CTBP1: variants seen among roughly 807,000 people sequenced by gnomAD.
CTBP1 encodes the protein C-terminal binding protein 1.
A neutral mutation model predicts 42.1 loss-of-function variants in CTBP1; 11 were observed. That is an observed-to-expected ratio of 0.26 (90% CI 0.16 to 0.43). The LOEUF is 0.43. Ranked by LOEUF, CTBP1 falls within the 20% of genes least tolerant of loss-of-function variation. The pLI is 1.00. For missense variants in CTBP1, 399 were observed against 624.3 expected (o/e 0.64, Z 3.85); for synonymous variants, 324 against 277.1 (o/e 1.17, Z -1.68).
At chr4:1,227,179 TGCAGAC>T (rs1730443300) in intron 4 of CTBP1, among the ~76,000 whole-genome samples, 1 of 152,042 alleles carries the variant, frequency 6.6e-6, no homozygotes, top group African/African-American at 2.4e-5. Context: ...GGTGCACGGG[TGCAGAC>T]GTGCGTGTTC....
chr4:1,229,259 G>T (rs1455000003), intron 3 of CTBP1, among the ~76,000 whole-genome samples: 1 of 152,312 alleles, frequency 6.6e-6, no homozygotes, highest in East Asian at 1.9e-4. Context: ...ACAGGGTGGG[G>T]ATGTGTGTGC....
intron 9 of CTBP1, 188 bp downstream of exon 9, chr4:1,212,725 A>G: frequency 1.6e-6 from 1 of 633,746 alleles, no homozygotes. Context: ...AGGCCACCCC[A>G]GCCCAGGCTC....
rs1175676030 is a variant in CTBP1, at chr4:1,245,464, A to G, written c.-189+3452T>C. 3 of 985,252 alleles carry G rather than the reference A, an allele frequency of 3.0e-6. No homozygotes were observed. The African/African-American group carries it at 5.2e-5, about 17-fold the overall frequency. 61.0% of individuals were successfully genotyped at this position (985,252 alleles called of 1,614,324 possible). On this transcript the variant is annotated intron_variant, in intron 1 of 9. Coordinates refer to ENST00000382952, the MANE Select transcript of CTBP1 (RefSeq NM_001012614.2). ...CAGTCTACACACGACACCACTGGAG[A>G]GACAGCCTCGGATGCCTCTGAGGCT...
intron 3 of CTBP1, among the ~76,000 whole-genome samples, chr4:1,232,334 C>G (rs1731046109): frequency 6.6e-6 from 1 of 152,160 alleles, no homozygotes; most frequent in South Asian, 2.1e-4. Flanking sequence ...CTTTTTGAGA[C>G]AGAGTCTTGC....
rs1384376049 is a variant in CTBP1 at position 1,225,492 on chromosome 4, G to A, written c.382C>T (p.Leu128=). 4 of 1,546,228 alleles carry A rather than the reference G, an allele frequency of 2.6e-6. No homozygotes were observed. Among genetic ancestry groups the A allele is most frequent in the Non-Finnish European group, 3.5e-6 (4 of 1,146,970 alleles). Residue 128 remains leucine (L), a synonymous_variant, in exon 5 of 10, where the codon CTG becomes TTG. Transcript: ENST00000382952. ...ADSTLCHILN[L]YRRATWLHQA... ...TGCAGCCAGGTGGCCCGCCGGTACA[G>A]GTTCAGGATGTGGCACAGCGTCGAG... is the stretch of plus-strand genomic sequence containing the variant.
intron 1 of CTBP1, chr4:1,244,063 C>A: frequency 2.0e-6 from 2 of 985,432 alleles, no homozygotes; most frequent in South Asian, 4.7e-5. Context: ...GGGGCAGCAG[C>A]CCCCAGGTTC....
At chr4:1,245,623 GGCATA>G (rs1437421521) in intron 1 of CTBP1, 1 of 983,766 alleles carries the variant, frequency 1.0e-6, no homozygotes, top group African/African-American at 1.8e-5. Context: ...TGACACGGGC[GGCATA>G]GCAGAGTGGC....
chr4:1,228,836 G>A (rs1730665908), intron 3 of CTBP1, among the ~76,000 whole-genome samples: 1 of 152,188 alleles, frequency 6.6e-6, no homozygotes, highest in African/African-American at 2.4e-5. Flanking sequence ...AAGTCCCCGC[G>A]GCACACAAGC....
intron 5 of CTBP1, among the ~76,000 whole-genome samples, chr4:1,222,353 C>A (rs148053506): frequency 6.6e-6 from 1 of 151,116 alleles, no homozygotes; most frequent in East Asian, 2.0e-4. Flanking sequence ...CCTCAGCTCC[C>A]GAGGCCGAGG....
At chr4:1,225,864 C>T (rs746970565) in intron 4 of CTBP1, among the ~76,000 whole-genome samples, 3 of 151,914 alleles carry the variant, frequency 2.0e-5, no homozygotes, top group Non-Finnish European at 2.9e-5. Context: ...CCCGACTCAG[C>T]GCTGGCAGCC....
Position 1,233,416 on chromosome 4 carries a change from A to G in CTBP1, c.162+4767T>C, listed in dbSNP as rs1405874932. ...GAGATGCTTGTCTTGCAGGAGTGCA[A>G]CTGTCCAGCTGGCTGCAGGTCCTCG... is the stretch of plus-strand genomic sequence containing the variant. On this transcript the variant is annotated intron_variant, in intron 3 of 9. Transcript: ENST00000382952. The surrounding 1 kb of genome is among the most constrained non-coding windows in gnomAD (Gnocchi z 4.6). 1.3e-5 allele frequency among the ~76,000 whole-genome samples: 2 copies of G among 152,078 alleles called. No homozygotes were observed. Among genetic ancestry groups the G allele is most frequent in the Non-Finnish European group, 2.9e-5 (2 of 67,986 alleles).
At chr4:1,219,546 G>GT (rs1577026589) in intron 5 of CTBP1, among the ~76,000 whole-genome samples, 1 of 152,162 alleles carries the variant, frequency 6.6e-6, no homozygotes, top group Admixed American at 6.5e-5. Flanking sequence ...CATCAACACG[G>GT]TAACACCCAC....
At chr4:1,230,204 G>A (rs994900577) in intron 3 of CTBP1, among the ~76,000 whole-genome samples, 2 of 152,022 alleles carry the variant, frequency 1.3e-5, no homozygotes, top group Non-Finnish European at 2.9e-5. Flanking sequence ...CACTTGACCA[G>A]ACGTAGTGTG....
In CTBP1 at chr4:1,212,088, C is replaced by T. The variant is rs1236694612; in HGVS notation, c.*152G>A. ...ACAGGACGGACGACGACAAGCGACACGAGGCCCAGCGCTGCCCCCTCCCGC... is the reference window on the plus strand; with the variant it reads ...ACAGGACGGACGACGACAAGCGACATGAGGCCCAGCGCTGCCCCCTCCCGC... On this transcript the variant is annotated 3_prime_UTR_variant, in exon 10 of 10. Transcript: ENST00000382952. The T allele has an allele frequency of 5.4e-6, 3 of 553,948 alleles. No homozygotes were observed. The highest frequency in any genetic ancestry group is 2.0e-5 in the African/African-American group (1 of 50,732). The allele number at this position is 553,948 out of a possible 1,614,324, so 34.3% of individuals were successfully genotyped here. A position where few individuals can be genotyped will look rare whatever the true frequency, so the allele number is the denominator to read the frequency against.
chr4:1,245,060 C>A (rs540739704), intron 1 of CTBP1: 18 of 983,854 alleles, frequency 1.8e-5, no homozygotes, highest in Non-Finnish European at 2.2e-5. Context: ...GAACCTCCCC[C>A]AGACAGACAA....
intron 1 of CTBP1, 180 bp from the exon 2 acceptor site, chr4:1,241,699 C>T: frequency 4.0e-6 from 5 of 1,245,210 alleles, no homozygotes; most frequent in Non-Finnish European, 4.1e-6. Context: ...TCCTGCCGCA[C>T]ACACGAAGGG....
chr4:1,247,387 G>T (rs1237404997), intron 1 of CTBP1, among the ~76,000 whole-genome samples: 1 of 152,048 alleles, frequency 6.6e-6, no homozygotes, highest in Non-Finnish European at 1.5e-5. Flanking sequence ...AGAGCAAAAG[G>T]CGTCTGCGGA....
rs1231099320 is a variant in CTBP1, at chr4:1,225,598, G to A, written c.308-32C>T. On this transcript the variant is annotated intron_variant, in intron 4 of 9. Coordinates refer to ENST00000382952, the MANE Select transcript of CTBP1 (RefSeq NM_001012614.2). ...GGACAAGGACACGGCGGTCACCCCC[G>A]GGCCGGGCCCAGCCTCCGGGAGGAC... 9.2e-6 allele frequency: 14 copies of A among 1,526,892 alleles called. No individual in the cohort carries two copies. The East Asian group carries it at 1.2e-4, about 13-fold the overall frequency. 94.6% of individuals were successfully genotyped at this position (1,526,892 alleles called of 1,614,324 possible).
intron 1 of CTBP1, 112 bp from the exon 2 acceptor site, chr4:1,241,631 G>C (rs1732186877): frequency 7.1e-7 from 1 of 1,402,766 alleles, no homozygotes; most frequent in Non-Finnish European, 9.4e-7. Context: ...CCACACCCGG[G>C]ACTGCTGTCT....
Sources: allele counts gnomAD v4.1 joint callset (sites outside exome capture counted in the v4.1 genomes callset), GRCh38; gene constraint gnomAD v4.1.1; non-coding constraint Gnocchi (gnomAD v3.1); transcripts MANE v1.5; gene names NCBI Gene and HGNC (gene_info 2026-07-23, HGNC 2026-07-21).